ITGA9: variants seen among roughly 807,000 people sequenced by gnomAD.
The protein encoded by ITGA9 is integrin subunit alpha 9.
In ITGA9, 56 loss-of-function variants were observed where a neutral mutation model predicts 127.8. The observed-to-expected ratio is 0.44, with a 90% confidence interval of 0.35 to 0.55. ITGA9 has a LOEUF of 0.55. ITGA9 is among the 20% of genes least tolerant of loss of function. ITGA9 has a pLI of 0.00. For synonymous variants in ITGA9, 508 were observed against 514.5 expected (o/e 0.99, Z 0.17); for missense variants, 1,196 against 1,347.1 (o/e 0.89, Z 1.76).
chr3:37,738,977 G>C (rs551545253), intron 20 of ITGA9, among the ~76,000 whole-genome samples: 1 of 152,290 alleles, frequency 6.6e-6, no homozygotes, highest in African/African-American at 2.4e-5. Context: ...ATCGATGCCT[G>C]ATCTATCCCC....
At chr3:37,801,616 C>T (rs1214564326) in intron 26 of ITGA9, among the ~76,000 whole-genome samples, 2 of 152,168 alleles carry the variant, frequency 1.3e-5, no homozygotes, top group Admixed American at 1.3e-4. Context: ...ACCTGGGTGA[C>T]AGAGAGAAAC....
rs538298822 is a variant in ITGA9 at position 37,658,549 on chromosome 3, A to G, written c.1916+4759A>G. Among the ~76,000 whole-genome samples the G allele has an allele frequency of 5.3e-5, 8 of 152,146 alleles. No homozygotes were observed. In the South Asian group the frequency reaches 1.2e-3, roughly 24 times the overall value. ...TTTCCATTTGCTTGGTAAATATTCT[A>G]CCATCCCTTTATTTTGAGCCTATAC... On this transcript the variant is annotated intron_variant, in intron 17 of 27. Transcript: ENST00000264741.
chr3:37,476,408 T>C (rs868458246), intron 3 of ITGA9, among the ~76,000 whole-genome samples: 19 of 152,312 alleles, frequency 1.2e-4, no homozygotes, highest in Middle Eastern at 3.4e-3. Flanking sequence ...GATAATATTT[T>C]ATTGTGATTT....
chr3:37,777,646 G>T (rs1696924704), intron 24 of ITGA9, 129 bp downstream of exon 24: 2 of 981,186 alleles, frequency 2.0e-6, no homozygotes, highest in Non-Finnish European at 3.1e-6. Context: ...CACAGACTGT[G>T]GTCAACTCCT....
intron 15 of ITGA9, among the ~76,000 whole-genome samples, chr3:37,628,631 C>A (rs181015324): frequency 1.3e-5 from 2 of 152,104 alleles, no homozygotes; most frequent in African/African-American, 4.8e-5. Context: ...GACTGTCAAT[C>A]GACTGTTCCC....
chr3:37,737,076 A>T, intron 20 of ITGA9, 93 bp downstream of exon 20: 2 of 861,862 alleles, frequency 2.3e-6, no homozygotes, highest in Non-Finnish European at 2.0e-6. Flanking sequence ...GAATCCCAGG[A>T]TGCTGAGGAG....
At chr3:37,748,164 T>C in intron 22 of ITGA9, 1 of 466,740 alleles carries the variant, frequency 2.1e-6, no homozygotes, top group East Asian at 5.6e-5. Context: ...TCTCTAGGCT[T>C]TTTAGAAAAC....
intron 23 of ITGA9, among the ~76,000 whole-genome samples, chr3:37,756,642 C>T (rs773940901): frequency 6.6e-6 from 1 of 152,200 alleles, no homozygotes; most frequent in African/African-American, 2.4e-5. Context: ...CTATCTCACA[C>T]TGTAAGGACT....
intron 17 of ITGA9, among the ~76,000 whole-genome samples, chr3:37,672,048 G>C (rs1276353056): frequency 6.6e-6 from 1 of 152,134 alleles, no homozygotes; most frequent in East Asian, 1.9e-4. Flanking sequence ...CAAGTATCCA[G>C]ATAGATGCTA....
chr3:37,458,564 T>C (rs1698284231), intron 1 of ITGA9, among the ~76,000 whole-genome samples: 1 of 152,240 alleles, frequency 6.6e-6, no homozygotes, highest in Non-Finnish European at 1.5e-5. Flanking sequence ...CCAAGAAAGC[T>C]GCAGCTGGAG....
intron 16 of ITGA9, among the ~76,000 whole-genome samples, chr3:37,645,601 C>T (rs1456554392): frequency 2.6e-5 from 4 of 152,102 alleles, no homozygotes; most frequent in African/African-American, 9.7e-5. Context: ...TTAAAAATAG[C>T]CTTCTTGTTT....
intron 15 of ITGA9, among the ~76,000 whole-genome samples, chr3:37,576,639 C>G (rs1442335622): frequency 6.6e-6 from 1 of 152,208 alleles, no homozygotes; most frequent in Non-Finnish European, 1.5e-5. Flanking sequence ...CAGGATCTGG[C>G]TCTATCGCCC....
chr3:37,729,021 G>A (rs1391077702), intron 18 of ITGA9, among the ~76,000 whole-genome samples: 1 of 151,874 alleles, frequency 6.6e-6, no homozygotes, highest in Admixed American at 6.6e-5. Flanking sequence ...TCAATCAGAG[G>A]CTACGGAATG....
intron 18 of ITGA9, among the ~76,000 whole-genome samples, chr3:37,685,360 G>C (rs565901220): frequency 2.2e-4 from 34 of 152,312 alleles, no homozygotes; most frequent in Non-Finnish European, 4.0e-4. Flanking sequence ...AGGAGCTCCA[G>C]GGTTGAGGGA....
Position 37,519,325 on chromosome 3 carries a change from G to T in ITGA9, c.1207G>T (p.Ala403Ser), listed in dbSNP as rs554449757. Residue 403 changes from alanine (A) to serine (S), a missense_variant, in exon 11 of 28, where the codon GCC (alanine) becomes TCC (serine). Physicochemically the swap from Ala to Ser is moderately conservative, Grantham distance 99. Coordinates refer to ENST00000264741, the MANE Select transcript of ITGA9 (RefSeq NM_002207.3). ...GGCGGTCTATATCTATCATGGTGAT[G>T]CCGGTGGGATAGTCCCTCAGTACTC... ...AGAVYIYHGD[A>S]GGIVPQYSMK... 6.2e-7 allele frequency: 1 copy of T among 1,614,114 alleles called. No individual in the cohort carries two copies. The highest frequency in any genetic ancestry group is 2.2e-5 in the East Asian group (1 of 44,880).
chr3:37,689,506 G>A (rs1252526228), intron 18 of ITGA9, among the ~76,000 whole-genome samples: 3 of 152,192 alleles, frequency 2.0e-5, no homozygotes, highest in Non-Finnish European at 2.9e-5. Context: ...GTTGCCTGCC[G>A]GGCAAGGAAC....
chr3:37,468,962 A>G (rs1054529024), intron 1 of ITGA9, among the ~76,000 whole-genome samples: 1 of 152,194 alleles, frequency 6.6e-6, no homozygotes, highest in Admixed American at 6.5e-5. Flanking sequence ...ACCTTTTCCA[A>G]ATGGCTCGTA....
intron 26 of ITGA9, among the ~76,000 whole-genome samples, chr3:37,791,160 C>T (rs1474118820): frequency 2.6e-5 from 4 of 152,150 alleles, no homozygotes; most frequent in African/African-American, 4.8e-5. Context: ...GCCAGAAACT[C>T]CCCCAAGGCA....
In ITGA9 at chr3:37,629,378, C is replaced by T; in HGVS notation, c.1839+42C>T. 6.2e-7 allele frequency: 1 copy of T among 1,608,808 alleles called. No individual in the cohort carries two copies. Among genetic ancestry groups the T allele is most frequent in the South Asian group, 1.1e-5 (1 of 90,086 alleles). On this transcript the variant is annotated intron_variant, in intron 16 of 27. Transcript: ENST00000264741. This position sits in a 1 kb window ranked among gnomAD's most constrained non-coding sequence, Gnocchi z 4.5. ...TCATACTCAGCACCCAAGGTGGCAG[C>T]TGCACAGAGCAGAAATAATGGCCCA...
Sources: gnomAD v4.1 joint callset for allele counts (sites outside exome capture counted in the v4.1 genomes callset) on GRCh38, gnomAD v4.1.1 for gene constraint, Gnocchi (gnomAD v3.1) non-coding constraint, MANE v1.5 for transcripts, NCBI Gene and HGNC (gene_info 2026-07-23, HGNC 2026-07-21) for gene names.